The following GANAB variants were observed in gnomAD, a reference collection of about 807,000 sequenced individuals.
GANAB encodes neutral alpha-glucosidase AB.
Under a neutral mutation model 129.9 loss-of-function variants are expected in GANAB, and 35 were observed. The ratio of observed to expected loss-of-function variants is 0.27; its 90% CI spans 0.21 to 0.36. The LOEUF is 0.36. GANAB is among the 10% of genes least tolerant of loss of function. The probability of loss-of-function intolerance (pLI) is 1.00; values close to 1 mark genes in which losing one functional copy is unlikely to be tolerated. For missense variants in GANAB, 939 were observed against 1,221.0 expected (o/e 0.77, Z 3.44); for synonymous variants, 482 against 451.8 (o/e 1.07, Z -0.85).
rs1943618243 is a variant in GANAB at position 62,630,487 on chromosome 11, G to A, written c.1405C>T (p.Pro469Ser). 6.2e-7 allele frequency: 1 copy of A among 1,614,026 alleles called. No individual in the cohort carries two copies. The highest frequency in any genetic ancestry group is 8.5e-7 in the Non-Finnish European group (1 of 1,180,020). ...TAGCCGGAGTCCACCTTGATGTGGG[G>A]GTCTACGATGGCCACCAGCTGGGGG... Reference protein sequence around the residue: ...KRRKLVAIVDPHIKVDSGYRV... With the variant: ...KRRKLVAIVDSHIKVDSGYRV... Residue 469 changes from proline (P) to serine (S), a missense_variant, in exon 12 of 24, where the codon CCC (proline) becomes TCC (serine). Pro to Ser is a moderately conservative substitution (Grantham distance 74). This residue lies in a region of GANAB where 220 missense variants were observed against 295.9 expected (regional missense o/e 0.74). Coordinates refer to ENST00000356638, the MANE Select transcript of GANAB (RefSeq NM_198334.3).
At position 62,634,517 on chromosome 11, in the gene GANAB, C is replaced by G. The variant is rs543970572; in HGVS notation, c.560+304G>C. 1.2e-5 allele frequency: 8 copies of G among 655,904 alleles called. No homozygotes were observed. The African/African-American group carries it at 1.3e-4, about 10-fold the overall frequency. 40.6% of individuals were successfully genotyped at this position (655,904 alleles called of 1,614,324 possible). On this transcript the variant is annotated intron_variant, in intron 5 of 23. Transcript: ENST00000356638. Reference sequence around the variant, plus strand: ...ACCAAAAAAAATAAATAAATAAAAACGAAGAAAATAAATCTGGGAAATGTG... The same window carrying G: ...ACCAAAAAAAATAAATAAATAAAAAGGAAGAAAATAAATCTGGGAAATGTG...
intron 3 of GANAB, 95 bp from the exon 4 acceptor site, chr11:62,639,205 G>A: frequency 6.9e-7 from 1 of 1,444,648 alleles, no homozygotes; most frequent in South Asian, 1.2e-5. Context: ...TTCTTCCTTT[G>A]AGCCCTTTGC....
At position 62,634,936 on chromosome 11, in the gene GANAB, TC is replaced by T. The variant is rs760407412; in HGVS notation, c.444del (p.Ile149SerfsTer3). The stretch of plus-strand genomic sequence containing the variant: ...CGGAATGGCCGTGCTGTCAAGATGA[TC>T]TTGTAGGGTCCCTCAGCCATGGTTA... ...VELTMAEGPYKIILTARPFRL... is the reference protein window; with the variant it reads ...VELTMAEGPYXIILTARPFRL... On this transcript the variant is annotated frameshift_variant, in exon 5 of 24. Transcript: ENST00000356638. LOFTEE classifies it high-confidence loss of function. The T allele has an allele frequency of 6.2e-7, 1 of 1,613,836 alleles. No homozygotes were observed.
rs781723044 is a variant in GANAB at position 62,633,552 on chromosome 11, G to A, written c.561-38C>T. 3.8e-6 allele frequency: 6 copies of A among 1,581,590 alleles called. No individual in the cohort carries two copies. In the Admixed American group the frequency reaches 1.0e-4, roughly 26 times the overall value. On this transcript the variant is annotated intron_variant, in intron 5 of 23. Transcript: ENST00000356638. ...AGAGCTGTCTGCTCCAATCCAGAGGGGGCAGGGACGAGGGGCTAGTGGAAG... is the reference window on the plus strand; with the variant it reads ...AGAGCTGTCTGCTCCAATCCAGAGGAGGCAGGGACGAGGGGCTAGTGGAAG...
At chr11:62,639,522 T>A (rs1944123947) in intron 2 of GANAB, 55 bp from the exon 3 acceptor site, 1 of 1,470,268 alleles carries the variant, frequency 6.8e-7, no homozygotes, top group South Asian at 1.1e-5. Flanking sequence ...TGTCCCTAAG[T>A]CAGTCTATCA....
intron 1 of GANAB, among the ~76,000 whole-genome samples, chr11:62,644,859 T>C (rs941222349): frequency 2.6e-5 from 4 of 151,896 alleles, no homozygotes; most frequent in Non-Finnish European, 4.4e-5. Flanking sequence ...TAAATAAAAT[T>C]TGACAACCTA....
At position 62,627,053 on chromosome 11, in the gene GANAB, C is replaced by T. The variant is rs781558089; in HGVS notation, c.2317G>A (p.Gly773Arg). The T allele has an allele frequency of 1.2e-6, 2 of 1,613,430 alleles. No individual in the cohort carries two copies. The highest frequency in any genetic ancestry group is 2.2e-5 in the South Asian group (2 of 91,064). Residue 773 changes from glycine (G) to arginine (R), a missense_variant, in exon 19 of 24, where the codon GGG (glycine) becomes AGG (arginine). Coordinates refer to ENST00000356638, the MANE Select transcript of GANAB (RefSeq NM_198334.3). Reference sequence around the variant, plus strand: ...CATGCCCTTCCTTAACTCACCTCCCCTTGGCCAGGCAGATAGACCTGGACA... The same window carrying T: ...CATGCCCTTCCTTAACTCACCTCCCTTTGGCCAGGCAGATAGACCTGGACA... ...HGVQVYLPGQ[G>R]EVWYDIQSYQ...
rs2134453487 is a variant in GANAB at position 62,625,793 on chromosome 11, C to G, written c.*22G>C. The G allele has an allele frequency of 1.4e-6, 2 of 1,445,470 alleles. No individual in the cohort carries two copies. The highest frequency in any genetic ancestry group is 1.9e-6 in the Non-Finnish European group (2 of 1,026,966). The allele number at this position is 1,445,470 out of a possible 1,614,324, so 89.5% of individuals were successfully genotyped here. On this transcript the variant is annotated 3_prime_UTR_variant, in exon 24 of 24. Coordinates refer to ENST00000356638, the MANE Select transcript of GANAB (RefSeq NM_198334.3). ...GCACTAATGCTCCCCTTCCCTCCCC[C>G]TAACCCAGAACATCCCTTGGGTTAT...
intron 9 of GANAB, among the ~76,000 whole-genome samples, chr11:62,631,608 G>A (rs1032340471): frequency 1.3e-5 from 2 of 150,532 alleles, no homozygotes; most frequent in South Asian, 2.1e-4. Context: ...GACTACAGGC[G>A]CACACCACCA....
Position 62,634,825 on chromosome 11 carries a change from C to T in GANAB, c.556G>A (p.Val186Ile). The T allele has an allele frequency of 6.2e-7, 1 of 1,613,134 alleles. No individual in the cohort carries two copies. Among genetic ancestry groups the T allele is most frequent in the Non-Finnish European group, 8.5e-7 (1 of 1,179,194 alleles). The change falls in exon 5 of 24, where the codon GTC (valine) becomes ATC (isoleucine). Residue 186 changes from valine to isoleucine, a missense_variant. Physicochemically the swap from Val to Ile is conservative, Grantham distance 29. Transcript: ENST00000356638. The stretch of plus-strand genomic sequence containing the variant: ...AGTCCCAACCCCTGTACTCACGAGA[C>T]CCTAGGGGCCCTCTGATGCTCAAAC... ...LEFEHQRAPR[V>I]SQGSKDPAEG... is the part of the protein sequence containing the mutation.
At chr11:62,642,420 G>T (rs1944310412) in intron 1 of GANAB, among the ~76,000 whole-genome samples, 1 of 151,220 alleles carries the variant, frequency 6.6e-6, no homozygotes, top group African/African-American at 2.4e-5. Context: ...TAATCAGAGA[G>T]AAGCCTGGGC....
At chr11:62,634,540 G>C in intron 5 of GANAB, 1 of 630,906 alleles carries the variant, frequency 1.6e-6, no homozygotes. Context: ...TCTGGGAAAT[G>C]TGATGATGTG....
At chr11:62,632,156 T>A (rs1465060580) in intron 9 of GANAB, among the ~76,000 whole-genome samples, 1 of 151,634 alleles carries the variant, frequency 6.6e-6, no homozygotes, top group South Asian at 2.1e-4. Flanking sequence ...GTTTTTCTAG[T>A]AGAGATGAGG....
At position 62,639,686 on chromosome 11, in the gene GANAB, C is replaced by T. The variant is rs1482127567; in HGVS notation, c.84G>A (p.Gly28=). The T allele has an allele frequency of 6.2e-7, 1 of 1,613,928 alleles. No homozygotes were observed. ...LVLAFLGVCL[G]ITLAVDRSNF... is the part of the protein sequence containing the mutation. ...TGCTTCTATCCACAGCAAGGGTAAT[C>T]CCCAGGCAGACCCCTAAAAAAGCCA... is the stretch of plus-strand genomic sequence containing the variant. The change falls in exon 2 of 24, where the codon GGG becomes GGA. Residue 28 remains glycine, a synonymous_variant. Transcript: ENST00000356638.
rs547099748 is a variant in GANAB at position 62,625,676 on chromosome 11, T to C, written c.*139A>G. The C allele has an allele frequency of 6.1e-6, 4 of 656,804 alleles. No individual in the cohort carries two copies. In the South Asian group the frequency reaches 7.0e-5, roughly 12 times the overall value. 40.7% of individuals were successfully genotyped at this position (656,804 alleles called of 1,614,324 possible). A position where few individuals can be genotyped will look rare whatever the true frequency, so the allele number is the denominator to read the frequency against. On this transcript the variant is annotated 3_prime_UTR_variant, in exon 24 of 24. Transcript: ENST00000356638. Reference sequence around the variant, plus strand: ...GAGCCCAGGGTCAGCCCTCTCATCCTGCCCAAATGTTGGCAGAATCTGGGT... The same window carrying C: ...GAGCCCAGGGTCAGCCCTCTCATCCCGCCCAAATGTTGGCAGAATCTGGGT...
intron 15 of GANAB, 39 bp from the exon 16 acceptor site, chr11:62,629,334 A>C (rs776042974): frequency 7.1e-7 from 1 of 1,408,726 alleles, no homozygotes; most frequent in East Asian, 2.3e-5. Context: ...CACATGGTAA[A>C]GGAGTTCAGC....
chr11:62,644,497 T>C (rs1944393316), intron 1 of GANAB, among the ~76,000 whole-genome samples: 1 of 151,700 alleles, frequency 6.6e-6, no homozygotes, highest in Non-Finnish European at 1.5e-5. Context: ...GGCAGGTGCC[T>C]GTAGTCCCAG....
chr11:62,636,901 A>C (rs900300229), intron 4 of GANAB, among the ~76,000 whole-genome samples: 7 of 152,144 alleles, frequency 4.6e-5, no homozygotes, highest in Non-Finnish European at 8.8e-5. Context: ...CACTCAGCCT[A>C]AGCAACAGAG....
chr11:62,635,627 TTC>T (rs1451242653), intron 4 of GANAB, among the ~76,000 whole-genome samples: 2 of 151,696 alleles, frequency 1.3e-5, no homozygotes, highest in Non-Finnish European at 2.9e-5. Context: ...AATGATGTAC[TTC>T]TTTTTTTTTT....
Sources: gnomAD v4.1 joint callset for allele counts (sites outside exome capture counted in the v4.1 genomes callset) on GRCh38, gnomAD v4.1.1 for gene constraint, gnomAD v4.1.1 regional missense constraint, MANE v1.5 for transcripts, NCBI Gene and HGNC (gene_info 2026-07-23, HGNC 2026-07-21) for gene names.